Variants in ATRNL1 observed in about 807,000 individuals in gnomAD.
ATRNL1 encodes the protein attractin like 1.
A neutral mutation model predicts 182.7 loss-of-function variants in ATRNL1; 95 were observed. The observed-to-expected ratio is 0.52, with a 90% confidence interval of 0.44 to 0.62. ATRNL1 has a LOEUF of 0.62. Ranked by LOEUF, ATRNL1 falls within the 20% of genes least tolerant of loss-of-function variation. The probability of loss-of-function intolerance (pLI) is 0.00; values close to 1 mark genes in which losing one functional copy is unlikely to be tolerated. For synonymous variants in ATRNL1, 576 were observed against 568.3 expected (o/e 1.01, Z -0.19); for missense variants, 1,471 against 1,679.5 (o/e 0.88, Z 2.17).
chr10:115,536,811 A>G (rs555723702), intron 25 of ATRNL1, among the ~76,000 whole-genome samples: 14 of 152,218 alleles, frequency 9.2e-5, no homozygotes, highest in African/African-American at 2.4e-4. Flanking sequence ...TTTGAAAGAG[A>G]AAAAAGAAGA....
intron 25 of ATRNL1, among the ~76,000 whole-genome samples, chr10:115,531,762 G>A (rs1851599448): frequency 1.3e-5 from 2 of 148,952 alleles, no homozygotes; most frequent in Admixed American, 1.3e-4. Flanking sequence ...ATGGTTTTAG[G>A]TCTAACGTTT....
intron 15 of ATRNL1, among the ~76,000 whole-genome samples, chr10:115,292,309 G>C (rs1022556586): frequency 6.6e-6 from 1 of 151,452 alleles, no homozygotes; most frequent in Non-Finnish European, 1.5e-5. Context: ...CCAACATTTT[G>C]TGTCATTGAT....
At chr10:115,259,184 A>T (rs1851290736) in intron 10 of ATRNL1, among the ~76,000 whole-genome samples, 1 of 152,168 alleles carries the variant, frequency 6.6e-6, no homozygotes, top group South Asian at 2.1e-4. Context: ...AAGTCTGCAG[A>T]AGTTGTCTGC....
chr10:115,505,955 GAAA>G (rs1242111642), intron 24 of ATRNL1, among the ~76,000 whole-genome samples: 1 of 136,544 alleles, frequency 7.3e-6, no homozygotes, highest in East Asian at 2.1e-4. Flanking sequence ...CCTGGTGGAA[GAAA>G]AAAAAAAAAA....
intron 7 of ATRNL1, among the ~76,000 whole-genome samples, chr10:115,167,307 T>C (rs1315088942): frequency 6.6e-6 from 1 of 152,086 alleles, no homozygotes; most frequent in Non-Finnish European, 1.5e-5. Context: ...CTGTAGCTTT[T>C]TAATAAGTTT....
chr10:115,793,376 G>A (rs998490181), intron 27 of ATRNL1, among the ~76,000 whole-genome samples: 1 of 152,022 alleles, frequency 6.6e-6, no homozygotes, highest in Non-Finnish European at 1.5e-5. Context: ...TCTGGCAAAG[G>A]TTGTAAGTTC....
chr10:115,838,792 TA>T (rs1458113691), intron 27 of ATRNL1, among the ~76,000 whole-genome samples: 1 of 114,914 alleles, frequency 8.7e-6, no homozygotes, highest in African/African-American at 2.6e-5. Context: ...AATTTCGCAG[TA>T]TTTTTTTTAA....
chr10:115,519,268 A>G lies in ATRNL1; in HGVS notation c.3660A>G (p.Ala1220=). The part of the protein sequence containing the change: ...NFSWPIKIQI[A]FSQHNTIMDL... ...TTTTTATTTTGATTTTTCAGATTGC[A>G]TTCTCACAACACAATACAATCATGG... The change falls in exon 25 of 29, where the codon GCA becomes GCG. Residue 1220 remains alanine, a synonymous_variant. Coordinates refer to ENST00000355044, the MANE Select transcript of ATRNL1 (RefSeq NM_207303.4). 1 of 1,610,676 alleles carries G rather than the reference A, an allele frequency of 6.2e-7. No homozygotes were observed. Among genetic ancestry groups the G allele is most frequent in the African/African-American group, 1.3e-5 (1 of 74,860 alleles).
At chr10:115,694,568 A>G (rs971261328) in intron 26 of ATRNL1, among the ~76,000 whole-genome samples, 3 of 152,138 alleles carry the variant, frequency 2.0e-5, no homozygotes, top group African/African-American at 2.4e-5. Flanking sequence ...AGATACTGCT[A>G]TATTCATTTT....
chr10:115,663,304 A>G (rs1860806026), intron 26 of ATRNL1, among the ~76,000 whole-genome samples: 1 of 152,094 alleles, frequency 6.6e-6, no homozygotes, highest in Non-Finnish European at 1.5e-5. Context: ...GAAAGCTCAT[A>G]CACTAGACCC....
At chr10:115,164,466 A>G (rs562572905) in intron 6 of ATRNL1, among the ~76,000 whole-genome samples, 1 of 152,252 alleles carries the variant, frequency 6.6e-6, no homozygotes, top group South Asian at 2.1e-4. Context: ...GATCCAGCAA[A>G]CCCACTGCTA....
chr10:115,711,063 A>G (rs782298047), intron 26 of ATRNL1, among the ~76,000 whole-genome samples: 3 of 152,146 alleles, frequency 2.0e-5, no homozygotes, highest in Admixed American at 1.3e-4. Context: ...GAGAGGGGCC[A>G]ATAATTAGCA....
chr10:115,411,703 A>G (rs11197205), intron 20 of ATRNL1, among the ~76,000 whole-genome samples: 49,787 of 151,974 alleles, frequency 0.33, 9,390 homozygotes, highest in Middle Eastern at 0.47. Context: ...GTTGTAAAGT[A>G]TCAATTTGTT....
intron 19 of ATRNL1, among the ~76,000 whole-genome samples, chr10:115,338,107 T>C (rs963807306): frequency 1.3e-4 from 20 of 152,298 alleles, no homozygotes; most frequent in African/African-American, 4.6e-4. Flanking sequence ...AATAGACTGG[T>C]ACCAGTCCAT....
At chr10:115,605,132 C>T (rs1856808127) in intron 26 of ATRNL1, among the ~76,000 whole-genome samples, 1 of 152,126 alleles carries the variant, frequency 6.6e-6, no homozygotes, top group Non-Finnish European at 1.5e-5. Context: ...CATTTTTACA[C>T]AGTTTATACG....
In ATRNL1 at chr10:115,612,307, G is replaced by A. The variant is rs370633731; in HGVS notation, c.3795+62771G>A. On this transcript the variant is annotated intron_variant, in intron 26 of 28. Transcript: ENST00000355044. ...AGTTTGGCCTTTGTTAAAACTGTTC[G>A]TTCAACAAACTCACCATAATAACCT... Among the ~76,000 whole-genome samples, 228 of 151,186 alleles carry A rather than the reference G, an allele frequency of 1.5e-3. 1 individual carries two copies. Among genetic ancestry groups the A allele is most frequent in the African/African-American group, 5.3e-3 (217 of 41,274 alleles).
intron 18 of ATRNL1, among the ~76,000 whole-genome samples, chr10:115,320,934 C>G (rs11197160): frequency 6.6e-6 from 1 of 151,940 alleles, no homozygotes; most frequent in Non-Finnish European, 1.5e-5. Context: ...TGTGATCATT[C>G]GGAGGAGAAT....
At chr10:115,653,245 T>C (rs150279167) in intron 26 of ATRNL1, among the ~76,000 whole-genome samples, 2 of 152,350 alleles carry the variant, frequency 1.3e-5, no homozygotes, top group East Asian at 1.9e-4. Context: ...GCTATGCACA[T>C]GTAAGTTTTC....
At chr10:115,624,237 A>G (rs1443686270) in intron 26 of ATRNL1, among the ~76,000 whole-genome samples, 2 of 151,964 alleles carry the variant, frequency 1.3e-5, no homozygotes, top group Admixed American at 1.3e-4. Context: ...TATATTAAGT[A>G]CAATATATAT....
Sources: allele counts gnomAD v4.1 joint callset (sites outside exome capture counted in the v4.1 genomes callset), GRCh38; gene constraint gnomAD v4.1.1; transcripts MANE v1.5; gene names NCBI Gene and HGNC (gene_info 2026-07-23, HGNC 2026-07-21).